The following TBC1D22B variants were observed in gnomAD, a reference collection of about 807,000 sequenced individuals.
TBC1D22B encodes TBC1 domain family member 22B.
A neutral mutation model predicts 69.1 loss-of-function variants in TBC1D22B; 32 were observed. The ratio of observed to expected loss-of-function variants is 0.46; its 90% CI spans 0.35 to 0.62. The LOEUF (loss-of-function observed/expected upper bound fraction) is 0.62, where lower values mean the gene tolerates loss of function less well. Ranked by LOEUF, TBC1D22B falls within the 20% of genes least tolerant of loss-of-function variation. The probability of loss-of-function intolerance (pLI) is 0.00; values close to 1 mark genes in which losing one functional copy is unlikely to be tolerated. For missense variants in TBC1D22B, 462 were observed against 630.9 expected, an observed-to-expected ratio of 0.73 and a Z score of 2.87; for synonymous variants, 206 against 229.8, an observed-to-expected ratio of 0.90 and a Z score of 0.94.
intron 6 of TBC1D22B, 41 bp downstream of exon 6, chr6:37,284,505 T>C (rs767798467): frequency 1.0e-5 from 16 of 1,526,366 alleles, no homozygotes; most frequent in Non-Finnish European, 1.4e-5. Flanking sequence ...ACCAGTCATA[T>C]ACTTTAGGTA....
rs1238931660 is a variant in TBC1D22B at position 37,313,907 on chromosome 6, G to C, written c.1165+16G>C. 2 of 1,612,786 alleles carry C rather than the reference G, an allele frequency of 1.2e-6. No individual in the cohort carries two copies. The highest frequency in any genetic ancestry group is 8.5e-7 in the Non-Finnish European group (1 of 1,178,880). On this transcript the variant is annotated intron_variant, in intron 10 of 12. Coordinates refer to ENST00000373491, the MANE Select transcript of TBC1D22B (RefSeq NM_017772.4). ...CGGATTGATGGTAGGTTCAGAGGGA[G>C]AAGAGTTCTCTAGCAATAGCAGAGT...
At chr6:37,281,659 A>G (rs982217866) in intron 3 of TBC1D22B, among the ~76,000 whole-genome samples, 1 of 152,182 alleles carries the variant, frequency 6.6e-6, no homozygotes, top group African/African-American at 2.4e-5. Flanking sequence ...GTGGAGAGCA[A>G]CCACCTCCAT....
intron 10 of TBC1D22B, among the ~76,000 whole-genome samples, chr6:37,314,754 G>A (rs778982793): frequency 9.2e-5 from 14 of 152,072 alleles, no homozygotes; most frequent in African/African-American, 1.2e-4. Context: ...CCCAAGCAAA[G>A]CCTTTCTCCC....
chr6:37,290,964 G>A (rs1767159930), intron 7 of TBC1D22B, among the ~76,000 whole-genome samples: 1 of 152,136 alleles, frequency 6.6e-6, no homozygotes, highest in South Asian at 2.1e-4. Context: ...GTTTTCTAAG[G>A]CATTTGGGTT....
intron 8 of TBC1D22B, among the ~76,000 whole-genome samples, chr6:37,307,395 G>A (rs866461900): frequency 1.3e-4 from 19 of 142,144 alleles, no homozygotes; most frequent in Middle Eastern, 3.9e-3. Context: ...TCGCTCTGTC[G>A]CCCAGGCTGG....
At position 37,331,802 on chromosome 6, in the gene TBC1D22B, A is replaced by G. The variant is rs928316818; in HGVS notation, c.*630A>G. On this transcript the variant is annotated 3_prime_UTR_variant, in exon 13 of 13. Coordinates refer to ENST00000373491, the MANE Select transcript of TBC1D22B (RefSeq NM_017772.4). ...CATGTGTGTGTGGGTGTGAATGTGT[A>G]TACATGCCCATCAGCATTTAGTCAC... The G allele has an allele frequency of 6.6e-6, 1 of 152,604 alleles. No homozygotes were observed. The highest frequency in any genetic ancestry group is 2.4e-5 in the African/African-American group (1 of 41,426). 9.5% of individuals were successfully genotyped at this position (152,604 alleles called of 1,614,324 possible). A position where few individuals can be genotyped will look rare whatever the true frequency, so the allele number is the denominator to read the frequency against.
chr6:37,303,068 C>G (rs1767614402), intron 8 of TBC1D22B, among the ~76,000 whole-genome samples: 1 of 152,186 alleles, frequency 6.6e-6, no homozygotes, highest in Non-Finnish European at 1.5e-5. Context: ...TGTTTAAGAA[C>G]ATTTCTGAAA....
intron 3 of TBC1D22B, among the ~76,000 whole-genome samples, chr6:37,280,017 T>C (rs1000850370): frequency 2.6e-5 from 4 of 152,258 alleles, no homozygotes; most frequent in African/African-American, 9.6e-5. Flanking sequence ...GTGGTTTGAC[T>C]TTCTCAGCCC....
Position 37,313,846 on chromosome 6 carries a change from CAGA to C in TBC1D22B, c.1126_1128del (p.Lys376del). 1.2e-6 allele frequency: 2 copies of C among 1,614,148 alleles called. No homozygotes were observed. The highest frequency in any genetic ancestry group is 1.7e-6 in the Non-Finnish European group (2 of 1,180,008). ...CTACACCTTTGCACAACCAGGAATC[CAGA>C]AGAAGGTGAAGGCACTGGAAGAGCT... On this transcript the variant is annotated inframe_deletion, in exon 10 of 13. Coordinates refer to ENST00000373491, the MANE Select transcript of TBC1D22B (RefSeq NM_017772.4).
At chr6:37,330,745 A>G (rs1011125848) in intron 12 of TBC1D22B, among the ~76,000 whole-genome samples, 2 of 152,212 alleles carry the variant, frequency 1.3e-5, no homozygotes, top group African/African-American at 4.8e-5. Context: ...GTATATTTGG[A>G]TAAGTGATTA....
chr6:37,274,318 GAC>G (rs1766597051), intron 2 of TBC1D22B, among the ~76,000 whole-genome samples: 1 of 152,192 alleles, frequency 6.6e-6, no homozygotes, highest in Admixed American at 6.5e-5. Context: ...GTATTAGTAA[GAC>G]AGTGTAGTAT....
chr6:37,293,081 A>ATT (rs201611923), intron 8 of TBC1D22B, among the ~76,000 whole-genome samples: 1 of 143,870 alleles, frequency 7.0e-6, no homozygotes, highest in Non-Finnish European at 1.5e-5. Context: ...TATTATTATT[A>ATT]TTATTTTTTT....
intron 8 of TBC1D22B, among the ~76,000 whole-genome samples, chr6:37,307,984 G>A (rs1015743357): frequency 2.0e-5 from 3 of 152,178 alleles, no homozygotes; most frequent in Admixed American, 2.0e-4. Flanking sequence ...TTTTAGGACT[G>A]GGGCTCAGAG....
At chr6:37,322,179 A>G (rs973031518) in intron 12 of TBC1D22B, among the ~76,000 whole-genome samples, 3 of 152,198 alleles carry the variant, frequency 2.0e-5, no homozygotes, top group Admixed American at 6.5e-5. Context: ...CCCAGAGGAC[A>G]GGGCCATCTG....
rs1766856593 is a variant in TBC1D22B, at chr6:37,282,240, C to T, written c.477C>T (p.Pro159=). The T allele has an allele frequency of 1.2e-6, 2 of 1,614,222 alleles. No homozygotes were observed. The highest frequency in any genetic ancestry group is 2.7e-5 in the African/African-American group (2 of 75,050). Residue 159 remains proline (P), a synonymous_variant, in exon 4 of 13, where the codon CCC becomes CCT. Transcript: ENST00000373491. ...AACAGCAATCACTCCCTCTCCGGCC[C>T]ATCATCCCCCTCGTTGCCCGGATCT... ...LHKQQSLPLR[P]IIPLVARISD...
intron 1 of TBC1D22B, among the ~76,000 whole-genome samples, chr6:37,259,228 C>T (rs1465971797): frequency 6.6e-6 from 1 of 152,012 alleles, no homozygotes; most frequent in Non-Finnish European, 1.5e-5. Flanking sequence ...TTTAGTAATA[C>T]TTATTAAAGT....
At chr6:37,271,628 A>G (rs1766484579) in intron 2 of TBC1D22B, among the ~76,000 whole-genome samples, 1 of 152,182 alleles carries the variant, frequency 6.6e-6, no homozygotes, top group Admixed American at 6.5e-5. Context: ...GAGAAGAAAA[A>G]AAGGATAATA....
At chr6:37,274,836 AG>A in intron 2 of TBC1D22B, among the ~76,000 whole-genome samples, 1 of 152,284 alleles carries the variant, frequency 6.6e-6, no homozygotes, top group East Asian at 1.9e-4. Flanking sequence ...AGATCACCTG[AG>A]GTTAGGAGTT....
chr6:37,296,118 G>T (rs1767358407), intron 8 of TBC1D22B, among the ~76,000 whole-genome samples: 2 of 152,212 alleles, frequency 1.3e-5, no homozygotes, highest in South Asian at 4.2e-4. Context: ...ACTAATTAGT[G>T]GGGTGTGGTG....
Sources: allele counts gnomAD v4.1 joint callset (sites outside exome capture counted in the v4.1 genomes callset), GRCh38; gene constraint gnomAD v4.1.1; transcripts MANE v1.5; gene names NCBI Gene and HGNC (gene_info 2026-07-23, HGNC 2026-07-21).